Variants in FGF3 observed in about 807,000 individuals in gnomAD.
The protein encoded by FGF3 is FGF-3.
FGF3 carries 7 observed loss-of-function variants against 9.8 expected under a neutral mutation model. The ratio of observed to expected loss-of-function variants is 0.72; its 90% CI spans 0.41 to 1.35. FGF3 has a LOEUF of 1.35. FGF3 is among the 40% of genes most tolerant of loss of function. The pLI, the probability that FGF3 is intolerant of heterozygous loss-of-function variation, is 0.01. For synonymous variants in FGF3, 173 were observed against 157.2 expected (o/e 1.10, Z -0.75); for missense variants, 390 against 345.6 (o/e 1.13, Z -1.02).
chr11:69,811,677 C>T (rs1013521217), intron 2 of FGF3, among the ~76,000 whole-genome samples: 5 of 152,090 alleles, frequency 3.3e-5, no homozygotes, highest in Non-Finnish European at 7.4e-5. Context: ...CAACACAGAG[C>T]AGGGGCTGGG....
rs1855997369 is a variant in FGF3, at chr11:69,810,073, C to T, written c.*232G>A. ...GGGCTGGCACTCAGGCCCTTCCCTGCCGGCTTCCTGCCACACAGACCCACA... is the reference window on the plus strand; with the variant it reads ...GGGCTGGCACTCAGGCCCTTCCCTGTCGGCTTCCTGCCACACAGACCCACA... On this transcript the variant is annotated 3_prime_UTR_variant, in exon 3 of 3. Transcript: ENST00000334134. 6.1e-6 allele frequency: 3 copies of T among 492,482 alleles called. No homozygotes were observed. The highest frequency in any genetic ancestry group is 1.1e-5 in the Non-Finnish European group (3 of 281,236). 30.5% of individuals were successfully genotyped at this position (492,482 alleles called of 1,614,324 possible). A position where few individuals can be genotyped will look rare whatever the true frequency, so the allele number is the denominator to read the frequency against.
At position 69,810,093 on chromosome 11, in the gene FGF3, C is replaced by A. The variant is rs1177105012; in HGVS notation, c.*212G>T. On this transcript the variant is annotated 3_prime_UTR_variant, in exon 3 of 3. Transcript: ENST00000334134. ...CCCTGCCGGCTTCCTGCCACACAGA[C>A]CCACAAATGCCCTGCATTGCAGGCA... 3 of 528,576 alleles carry A rather than the reference C, an allele frequency of 5.7e-6. No homozygotes were observed. Among genetic ancestry groups the A allele is most frequent in the South Asian group, 3.2e-5 (1 of 30,800 alleles). The allele number at this position is 528,576 out of a possible 1,614,324, so 32.7% of individuals were successfully genotyped here. A position where few individuals can be genotyped will look rare whatever the true frequency, so the allele number is the denominator to read the frequency against.
chr11:69,810,418 CA>C lies in FGF3; in HGVS notation c.606del (p.Gly203ValfsTer120), dbSNP rs782800207. On this transcript the variant is annotated frameshift_variant, in exon 3 of 3. Transcript: ENST00000334134. LOFTEE classifies it low-confidence loss of function (END_TRUNC). ...RQLQSGLPRP[P>X]GKGVQPRRRR... ...CGCCGTCGGGGCTGGACCCCCTTAC[CA>C]GGGGGTCTGGGCAGCCCACTCTGTA... 6.3e-7 allele frequency: 1 copy of C among 1,575,342 alleles called. No homozygotes were observed. The highest frequency in any genetic ancestry group is 8.6e-7 in the Non-Finnish European group (1 of 1,157,256).
intron 2 of FGF3, among the ~76,000 whole-genome samples, chr11:69,812,038 G>A (rs533444107): frequency 6.6e-6 from 1 of 152,308 alleles, no homozygotes; most frequent in African/African-American, 2.4e-5. Context: ...CCCAGCTACA[G>A]GCAAGTGGTA....
At chr11:69,812,036 C>T (rs1321799333) in intron 2 of FGF3, among the ~76,000 whole-genome samples, 4 of 152,190 alleles carry the variant, frequency 2.6e-5, no homozygotes, top group Non-Finnish European at 5.9e-5. Flanking sequence ...GTCCCAGCTA[C>T]AGGCAAGTGG....
intron 1 of FGF3, 81 bp downstream of exon 1, chr11:69,818,633 G>T: frequency 9.1e-7 from 1 of 1,097,752 alleles, no homozygotes; most frequent in South Asian, 2.2e-5. Flanking sequence ...CTCCCCCGCG[G>T]GGCCCCGCAG....
chr11:69,810,355 G>T lies in FGF3; in HGVS notation c.670C>A (p.His224Asn). 1.3e-6 allele frequency: 2 copies of T among 1,567,830 alleles called. No individual in the cohort carries two copies. Among genetic ancestry groups the T allele is most frequent in the Non-Finnish European group, 1.7e-6 (2 of 1,151,746 alleles). The change falls in exon 3 of 3, where the codon CAC (histidine) becomes AAC (asparagine). Residue 224 changes from histidine (H) to asparagine (N), a missense_variant. Coordinates refer to ENST00000334134, the MANE Select transcript of FGF3 (RefSeq NM_005247.4). ...GAGCCCAGTCTCGAAGCCTGAACGT[G>T]AGAGGGCTCCAGGTTATCCGGGCTC... ...KQSPDNLEPS[H>N]VQASRLGSQL... is the part of the protein sequence containing the mutation.
rs538270601 is a variant in FGF3 at position 69,814,629 on chromosome 11, G to A, written c.324+1691C>T. Among the ~76,000 whole-genome samples the A allele has an allele frequency of 2.1e-3, 318 of 152,228 alleles. 5 individuals carry two copies. The highest frequency in any genetic ancestry group is 6.5e-3 in the African/African-American group (270 of 41,514). On this transcript the variant is annotated intron_variant, in intron 2 of 2. Transcript: ENST00000334134. ...CTCCTAGGCAAGCTGGCCGCACGCA[G>A]GACTGTGGTATCAGGTGGCAGGTGG... is the stretch of plus-strand genomic sequence containing the variant.
At chr11:69,815,306 A>ATGGATGGGTGGATGGGTGGATGAG (rs1856111128) in intron 2 of FGF3, among the ~76,000 whole-genome samples, 4 of 139,844 alleles carry the variant, frequency 2.9e-5, no homozygotes, top group African/African-American at 5.4e-5. Flanking sequence ...GAGTGGATGG[A>ATGGATGGGTGGATGGGTGGATGAG]TGGATGGGTG....
chr11:69,817,358 C>G (rs995239052), intron 1 of FGF3: 2 of 152,258 alleles, frequency 1.3e-5, no homozygotes, highest in Non-Finnish European at 2.9e-5. Context: ...GCGAGCCTCC[C>G]GCCTTCCCAG....
rs1554980328 is a variant in FGF3 at position 69,810,487 on chromosome 11, G to T, written c.538C>A (p.Pro180Thr). 6.2e-7 allele frequency: 1 copy of T among 1,608,550 alleles called. No homozygotes were observed. The highest frequency in any genetic ancestry group is 8.5e-7 in the Non-Finnish European group (1 of 1,177,866). The change falls in exon 3 of 3, where the codon CCC (proline) becomes ACC (threonine). Residue 180 changes from proline to threonine, a missense_variant. Physicochemically the swap from Pro to Thr is conservative, Grantham distance 38. Coordinates refer to ENST00000334134, the MANE Select transcript of FGF3 (RefSeq NM_005247.4). ...TGGTCCCTGTGGTCCAGCACGCGGG[G>T]CAGGAACAGGGAGGACTTCTGTGTG... ...RRTQKSSLFL[P>T]RVLDHRDHEM... is the part of the protein sequence containing the mutation.
Position 69,818,988 on chromosome 11 carries a change from A to C in FGF3, c.-55T>G. ...GCGGCTGCAGGCGAGCGCGGCGCCCATGGAAGGGGCGGCAGCCGGACAGCT... is the reference window on the plus strand; with the variant it reads ...GCGGCTGCAGGCGAGCGCGGCGCCCCTGGAAGGGGCGGCAGCCGGACAGCT... On this transcript the variant is annotated 5_prime_UTR_variant, in exon 1 of 3. The change abolishes an upstream ATG in the 5' untranslated region. Transcript: ENST00000334134. 1 of 1,228,584 alleles carries C rather than the reference A, an allele frequency of 8.1e-7. No individual in the cohort carries two copies. The highest frequency in any genetic ancestry group is 1.1e-6 in the Non-Finnish European group (1 of 919,822). The allele number at this position is 1,228,584 out of a possible 1,614,324, so 76.1% of individuals were successfully genotyped here.
intron 1 of FGF3, 33 bp downstream of exon 1, chr11:69,818,681 T>C (rs2119938853): frequency 1.4e-6 from 2 of 1,427,438 alleles, no homozygotes; most frequent in Non-Finnish European, 9.2e-7. Flanking sequence ...CCGGCGCCGC[T>C]TCCCCCGGGG....
chr11:69,815,827 A>G (rs782068431), intron 2 of FGF3, among the ~76,000 whole-genome samples: 3 of 152,206 alleles, frequency 2.0e-5, no homozygotes, highest in Non-Finnish European at 4.4e-5. Context: ...TGCCCGGGAC[A>G]TGGGCGCCAT....
chr11:69,818,252 C>A (rs1014884107), intron 1 of FGF3, among the ~76,000 whole-genome samples: 5 of 152,096 alleles, frequency 3.3e-5, no homozygotes, highest in Admixed American at 2.6e-4. Flanking sequence ...GAGGAGAAGT[C>A]GTCAAAATAA....
chr11:69,810,733 G>A (rs782484516), intron 2 of FGF3, 33 bp from the exon 3 acceptor site: 2 of 1,524,540 alleles, frequency 1.3e-6, no homozygotes, highest in East Asian at 4.7e-5. Flanking sequence ...TCAGTGCCCC[G>A]GGGAGACTGT....
chr11:69,814,706 G>C (rs954511202), intron 2 of FGF3, among the ~76,000 whole-genome samples: 2 of 152,116 alleles, frequency 1.3e-5, no homozygotes, highest in African/African-American at 2.4e-5. Flanking sequence ...TTGTCTGCAG[G>C]GCAATGGGAA....
At chr11:69,814,166 A>G (rs1392789049) in intron 2 of FGF3, among the ~76,000 whole-genome samples, 1 of 152,040 alleles carries the variant, frequency 6.6e-6, no homozygotes, top group African/African-American at 2.4e-5. Context: ...ATGGCTTGAC[A>G]AACAGATGGA....
At position 69,810,418 on chromosome 11, in the gene FGF3, C is replaced by T. The variant is rs547457011; in HGVS notation, c.607G>A (p.Gly203Ser). ...QLQSGLPRPP[G>S]KGVQPRRRRQ... is the part of the protein sequence containing the mutation. ...CGCCGTCGGGGCTGGACCCCCTTACCAGGGGGTCTGGGCAGCCCACTCTGT... is the reference window on the plus strand; with the variant it reads ...CGCCGTCGGGGCTGGACCCCCTTACTAGGGGGTCTGGGCAGCCCACTCTGT... Residue 203 changes from glycine to serine, a missense_variant, in exon 3 of 3, where the codon GGT (glycine) becomes AGT (serine). By Grantham distance (56) the Gly-to-Ser change is moderately conservative. Coordinates refer to ENST00000334134, the MANE Select transcript of FGF3 (RefSeq NM_005247.4). 39 of 1,575,342 alleles carry T rather than the reference C, an allele frequency of 2.5e-5. 1 individual carries two copies. In the South Asian group the frequency reaches 4.0e-4, roughly 16 times the overall value.
Sources: allele counts gnomAD v4.1 joint callset (sites outside exome capture counted in the v4.1 genomes callset), GRCh38; gene constraint gnomAD v4.1.1; transcripts MANE v1.5; gene names NCBI Gene and HGNC (gene_info 2026-07-23, HGNC 2026-07-21).